Variants in STPG2 observed in about 807,000 individuals in gnomAD.
The protein encoded by STPG2 is sperm-tail PG-rich repeat-containing protein 2.
STPG2 carries 56 observed loss-of-function variants against 54.2 expected under a neutral mutation model. That is an observed-to-expected ratio of 1.03 (90% confidence interval 0.83 to 1.29). The LOEUF (loss-of-function observed/expected upper bound fraction) is 1.29, where lower values mean the gene tolerates loss of function less well. Among genes scored for constraint, STPG2 ranks in the 50% most tolerant of loss-of-function variants. The pLI is 0.00. For missense variants in STPG2, 596 were observed against 544.9 expected (o/e 1.09, Z -0.93); for synonymous variants, 200 against 181.8 (o/e 1.10, Z -0.81).
chr4:97,823,223 C>G (rs570015134), intron 9 of STPG2, among the ~76,000 whole-genome samples: 1 of 152,320 alleles, frequency 6.6e-6, no homozygotes, highest in African/African-American at 2.4e-5. Context: ...CTAGGACATT[C>G]AGAGCTAGAA....
At chr4:97,699,210 G>A (rs1003924459) in intron 10 of STPG2, among the ~76,000 whole-genome samples, 3 of 152,304 alleles carry the variant, frequency 2.0e-5, no homozygotes, top group South Asian at 2.1e-4. Flanking sequence ...CTTGGTGAGT[G>A]GAAATCCATG....
At position 97,650,571 on chromosome 4, in the gene STPG2, C is replaced by G. The variant is rs187655321; in HGVS notation, c.1320+62128G>C. ...TCGAGTTTGTCTAAAGACCTGGGATCAATAAAAAGGAAATGTTCAGGCTGA... is the reference window on the plus strand; with the variant it reads ...TCGAGTTTGTCTAAAGACCTGGGATGAATAAAAAGGAAATGTTCAGGCTGA... On this transcript the variant is annotated intron_variant, in intron 10 of 10. Coordinates refer to ENST00000295268, the MANE Select transcript of STPG2 (RefSeq NM_174952.3). 1.1e-4 allele frequency among the ~76,000 whole-genome samples: 17 copies of G among 152,082 alleles called. No homozygotes were observed. In the East Asian group the frequency reaches 2.7e-3, roughly 24 times the overall value.
chr4:97,825,154 A>T (rs560963753), intron 9 of STPG2, among the ~76,000 whole-genome samples: 1 of 152,302 alleles, frequency 6.6e-6, no homozygotes, highest in South Asian at 2.1e-4. Flanking sequence ...CCATTTTAGG[A>T]AAAACTTCTC....
intron 4 of STPG2, among the ~76,000 whole-genome samples, chr4:97,444,481 T>C (rs1187161844): frequency 2.0e-5 from 3 of 152,190 alleles, no homozygotes; most frequent in South Asian, 2.1e-4. Context: ...TAGAATGACA[T>C]TTTGTAAATG....
At chr4:97,706,790 A>G (rs905497517) in intron 10 of STPG2, among the ~76,000 whole-genome samples, 7 of 152,268 alleles carry the variant, frequency 4.6e-5, no homozygotes, top group Admixed American at 3.3e-4. Flanking sequence ...TCTGTGGAGT[A>G]GTTGGGGAGA....
intron 4 of STPG2, among the ~76,000 whole-genome samples, chr4:97,475,612 C>T (rs1442186779): frequency 1.3e-5 from 2 of 151,990 alleles, no homozygotes; most frequent in South Asian, 2.1e-4. Context: ...ACAGGTCCTA[C>T]ATGGGTTTTC....
intron 10 of STPG2, among the ~76,000 whole-genome samples, chr4:97,639,294 T>C (rs976835071): frequency 1.8e-4 from 26 of 146,828 alleles, no homozygotes; most frequent in African/African-American, 5.8e-4. Context: ...AATTGAACAA[T>C]GAGATCACAT....
At chr4:97,565,227 A>G (rs1465394155) in intron 10 of STPG2, among the ~76,000 whole-genome samples, 1 of 152,098 alleles carries the variant, frequency 6.6e-6, no homozygotes, top group Non-Finnish European at 1.5e-5. Context: ...TGATCACATC[A>G]GCTCCTGAGG....
rs1417486161 is a variant in STPG2 at position 98,143,170 on chromosome 4, G to A, written c.-20C>T. 12 of 1,599,614 alleles carry A rather than the reference G, an allele frequency of 7.5e-6. No individual in the cohort carries two copies. The highest frequency in any genetic ancestry group is 1.3e-5 in the African/African-American group (1 of 74,778). On this transcript the variant is annotated 5_prime_UTR_variant, in exon 1 of 11. Transcript: ENST00000295268. ...ATACATAGTGCTCGGGGTGGTGGGG[G>A]CGCTGGGGAAGGGCAGGTGCCGAAA...
At chr4:97,472,858 A>G (rs549214353) in intron 4 of STPG2, among the ~76,000 whole-genome samples, 1 of 152,344 alleles carries the variant, frequency 6.6e-6, no homozygotes, top group East Asian at 1.9e-4. Flanking sequence ...ATGGAGGAAC[A>G]GGCTGAAGCC....
intron 9 of STPG2, among the ~76,000 whole-genome samples, chr4:97,838,612 G>C (rs1225243389): frequency 6.6e-6 from 1 of 151,238 alleles, no homozygotes; most frequent in Non-Finnish European, 1.5e-5. Flanking sequence ...TCCTTGATTA[G>C]ATCAATGTAA....
chr4:97,472,447 T>C (rs1368587825), intron 4 of STPG2, among the ~76,000 whole-genome samples: 1 of 152,210 alleles, frequency 6.6e-6, no homozygotes, highest in Non-Finnish European at 1.5e-5. Flanking sequence ...GGAGCCATTT[T>C]GCAACATGTG....
At chr4:97,844,426 T>C (rs915239228) in intron 8 of STPG2, among the ~76,000 whole-genome samples, 3 of 152,114 alleles carry the variant, frequency 2.0e-5, no homozygotes, top group African/African-American at 7.2e-5. Flanking sequence ...ATATTCATTT[T>C]TGAATAATAG....
chr4:97,890,421 T>A (rs1477061517), intron 8 of STPG2, among the ~76,000 whole-genome samples: 1 of 152,026 alleles, frequency 6.6e-6, no homozygotes, highest in Non-Finnish European at 1.5e-5. Context: ...TCCTTATGAT[T>A]CTTTTGGAGG....
At chr4:97,980,322 A>G (rs2149262561) in intron 6 of STPG2, among the ~76,000 whole-genome samples, 1 of 152,362 alleles carries the variant, frequency 6.6e-6, no homozygotes, top group East Asian at 1.9e-4. Flanking sequence ...TTGATCATAC[A>G]GTAGATTAAA....
chr4:97,607,608 T>C (rs551066950), intron 10 of STPG2, among the ~76,000 whole-genome samples: 1 of 152,176 alleles, frequency 6.6e-6, no homozygotes, highest in South Asian at 2.1e-4. Context: ...TGGAAATACA[T>C]TGCCCGAACT....
At chr4:97,905,018 T>C (rs1225004004) in intron 8 of STPG2, among the ~76,000 whole-genome samples, 3 of 152,024 alleles carry the variant, frequency 2.0e-5, no homozygotes, top group East Asian at 1.9e-4. Flanking sequence ...TGGAACCAAG[T>C]TGGAAAACAC....
chr4:97,730,787 G>A (rs1364802671), intron 9 of STPG2, among the ~76,000 whole-genome samples: 1 of 152,058 alleles, frequency 6.6e-6, no homozygotes, highest in Non-Finnish European at 1.5e-5. Context: ...TCTTTCCTCA[G>A]CTTGTTCTAA....
At position 97,545,797 on chromosome 4, in the gene STPG2, G is replaced by T. The variant is rs538876083; in HGVS notation, c.462+166902C>A. ...GGTTGATAAAATCCATTTAAAATAT[G>T]TAAAGGCAAAGCACATTTGAAAAAT... On this transcript the variant is annotated intron_variant, in intron 4 of 4. Transcript: ENST00000522676. Among the ~76,000 whole-genome samples the T allele has an allele frequency of 9.2e-5, 14 of 152,126 alleles. No homozygotes were observed. In the South Asian group the frequency reaches 2.9e-3, roughly 32 times the overall value.
Sources: gnomAD v4.1 joint callset for allele counts (sites outside exome capture counted in the v4.1 genomes callset) on GRCh38, gnomAD v4.1.1 for gene constraint, MANE v1.5 for transcripts, NCBI Gene and HGNC (gene_info 2026-07-23, HGNC 2026-07-21) for gene names.